Variants in SLIT3 observed in about 807,000 individuals in gnomAD.
The protein encoded by SLIT3 is slit guidance ligand 3, also known as slit homolog 3 protein.
A neutral mutation model predicts 184.0 loss-of-function variants in SLIT3; 68 were observed. The observed-to-expected ratio is 0.37, with a 90% CI of 0.30 to 0.45. The LOEUF is 0.45. Among genes scored for constraint, SLIT3 ranks in the 20% least tolerant of loss-of-function variants. The pLI is 1.00. For missense variants in SLIT3, 1,707 were observed against 2,026.0 expected (o/e 0.84, Z 3.02); for synonymous variants, 831 against 828.6 (o/e 1.00, Z -0.05).
chr5:168,762,194 C>T (rs6892234), intron 15 of SLIT3, among the ~76,000 whole-genome samples: 4,660 of 152,206 alleles, frequency 0.031, 258 homozygotes, highest in African/African-American at 0.11. Context: ...TACCATTCTT[C>T]ATTTAGCACC....
chr5:168,889,668 CTT>C (rs1760366298), intron 4 of SLIT3, among the ~76,000 whole-genome samples: 1 of 152,200 alleles, frequency 6.6e-6, no homozygotes, highest in Admixed American at 6.5e-5. Context: ...AGCTCAGATG[CTT>C]ATTTCCCTCA....
rs371776260 is a variant in SLIT3, at chr5:168,666,693, C to T, written c.4337-4G>A. On this transcript the variant is annotated splice_region_variant and splice_polypyrimidine_tract_variant and intron_variant, in intron 35 of 35. Transcript: ENST00000519560. Reference sequence around the variant, plus strand: ...ACTTGTCCCAGGCACGGATTCTCTGCAGAGGGCATAGAAGTCAGGGCATTG... The same window carrying T: ...ACTTGTCCCAGGCACGGATTCTCTGTAGAGGGCATAGAAGTCAGGGCATTG... 6.2e-7 allele frequency: 1 copy of T among 1,614,102 alleles called. No individual in the cohort carries two copies. Among genetic ancestry groups the T allele is most frequent in the African/African-American group, 1.3e-5 (1 of 75,042 alleles).
At chr5:169,265,503 T>A (rs1473881838) in intron 1 of SLIT3, among the ~76,000 whole-genome samples, 8 of 152,214 alleles carry the variant, frequency 5.3e-5, no homozygotes, top group Admixed American at 5.2e-4. Flanking sequence ...GTTACCTGCT[T>A]AATCTTTTTT....
chr5:169,155,060 C>A (rs1010936722), intron 4 of SLIT3, among the ~76,000 whole-genome samples: 2 of 152,200 alleles, frequency 1.3e-5, no homozygotes, highest in Admixed American at 6.5e-5. Context: ...GTTTGGCTTA[C>A]CAGCTTCACC....
intron 33 of SLIT3, among the ~76,000 whole-genome samples, chr5:168,672,428 G>T (rs1761283522): frequency 1.3e-5 from 2 of 152,138 alleles, no homozygotes; most frequent in Admixed American, 6.5e-5. Context: ...TCAGTGCAGG[G>T]GCTGCATTTC....
chr5:168,681,164 A>C (rs1373693333), intron 32 of SLIT3, among the ~76,000 whole-genome samples: 1 of 152,184 alleles, frequency 6.6e-6, no homozygotes, highest in Non-Finnish European at 1.5e-5. Context: ...AAACCCAAAA[A>C]ACAAAAAAAC....
At chr5:168,738,827 G>A (rs1763521793) in intron 20 of SLIT3, among the ~76,000 whole-genome samples, 1 of 151,718 alleles carries the variant, frequency 6.6e-6, no homozygotes, top group Admixed American at 6.6e-5. Context: ...AGTCCCAGCT[G>A]CTGGGGAGGT....
Position 169,121,241 on chromosome 5 carries a change from A to G in SLIT3, c.413+72238T>C, listed in dbSNP as rs571693396. Among the ~76,000 whole-genome samples, 4 of 152,308 alleles carry G rather than the reference A, an allele frequency of 2.6e-5. No individual in the cohort carries two copies. The East Asian group carries it at 7.7e-4, about 29-fold the overall frequency. ...ACCCCAAAGACATAGGATGAAATTT[A>G]GGAACTCCAATACCTTAAACCTTTC... On this transcript the variant is annotated intron_variant, in intron 4 of 35. Coordinates refer to ENST00000519560, the MANE Select transcript of SLIT3 (RefSeq NM_003062.4).
At position 168,891,618 on chromosome 5, in the gene SLIT3, T is replaced by A. The variant is rs1430271029; in HGVS notation, c.414-8282A>T. Reference sequence around the variant, plus strand: ...TGAGAAACAGTCCTGGAGCTGTGACTGAGGGTGAAGGCCTGAGGTCCAAGC... The same window carrying A: ...TGAGAAACAGTCCTGGAGCTGTGACAGAGGGTGAAGGCCTGAGGTCCAAGC... On this transcript the variant is annotated intron_variant, in intron 4 of 35. Transcript: ENST00000519560. 2.0e-5 allele frequency among the ~76,000 whole-genome samples: 3 copies of A among 152,130 alleles called. No homozygotes were observed. In the East Asian group the frequency reaches 5.8e-4, roughly 29 times the overall value.
intron 20 of SLIT3, among the ~76,000 whole-genome samples, chr5:168,731,260 C>T (rs567471114): frequency 6.6e-6 from 1 of 151,866 alleles, no homozygotes; most frequent in Non-Finnish European, 1.5e-5. Flanking sequence ...GAACAGTAGA[C>T]CCCTAATAAG....
chr5:168,798,319 G>A (rs999320375), intron 9 of SLIT3, among the ~76,000 whole-genome samples: 3 of 150,162 alleles, frequency 2.0e-5, no homozygotes, highest in African/African-American at 7.4e-5. Flanking sequence ...GAACGCCTGG[G>A]CTCAAGTGAT....
chr5:169,287,377 AT>A (rs567211956), intron 1 of SLIT3, among the ~76,000 whole-genome samples: 12 of 150,116 alleles, frequency 8.0e-5, no homozygotes, highest in East Asian at 5.9e-4. Flanking sequence ...ATGATTCCCT[AT>A]TTTTTTTTGT....
At chr5:168,760,138 G>A (rs148170000) in intron 16 of SLIT3, among the ~76,000 whole-genome samples, 1 of 152,332 alleles carries the variant, frequency 6.6e-6, no homozygotes, top group East Asian at 1.9e-4. Context: ...GGACTGTGAA[G>A]CCAGCACTGG....
At chr5:169,059,566 A>C (rs1290295142) in intron 4 of SLIT3, among the ~76,000 whole-genome samples, 1 of 152,106 alleles carries the variant, frequency 6.6e-6, no homozygotes, top group Admixed American at 6.5e-5. Flanking sequence ...GAAGCCTCAA[A>C]CGGGCCTCTT....
chr5:169,213,566 A>T (rs1395927292), intron 3 of SLIT3, among the ~76,000 whole-genome samples: 1 of 152,166 alleles, frequency 6.6e-6, no homozygotes, highest in African/African-American at 2.4e-5. Context: ...TCTCTCTTCA[A>T]ATATCCCTTC....
chr5:168,889,564 A>G (rs1414958615), intron 4 of SLIT3, among the ~76,000 whole-genome samples: 1 of 152,252 alleles, frequency 6.6e-6, no homozygotes, highest in Non-Finnish European at 1.5e-5. Flanking sequence ...AAGGATATCA[A>G]TAAAAGCTCC....
chr5:169,254,890 A>G (rs965574851), intron 1 of SLIT3, among the ~76,000 whole-genome samples: 1 of 152,240 alleles, frequency 6.6e-6, no homozygotes, highest in Non-Finnish European at 1.5e-5. Flanking sequence ...AGAATCGCCC[A>G]GCTGAATGAA....
intron 3 of SLIT3, among the ~76,000 whole-genome samples, chr5:169,213,768 C>T (rs773496027): frequency 2.0e-5 from 3 of 152,222 alleles, no homozygotes; most frequent in African/African-American, 4.8e-5. Flanking sequence ...TCTCTTCCTA[C>T]TATATCCCCA....
rs775493064 is a variant in SLIT3, at chr5:168,752,960, G to A, written c.1968C>T (p.Ser656=). ...GTGGACCCAGGAGAACTTACATGGT[G>A]GACAGGGAGACAAGCGTGGTGAAGG... ...PGAFTTLVSL[S]TINLLSNPFN... is the part of the protein sequence containing the mutation. Residue 656 remains serine (S), a synonymous_variant, in exon 18 of 36, where the codon TCC becomes TCT. Coordinates refer to ENST00000519560, the MANE Select transcript of SLIT3 (RefSeq NM_003062.4). 8.1e-6 allele frequency: 13 copies of A among 1,613,946 alleles called. No homozygotes were observed. The highest frequency in any genetic ancestry group is 1.6e-4 in the Middle Eastern group (1 of 6,084).
Sources: gnomAD v4.1 joint callset for allele counts (sites outside exome capture counted in the v4.1 genomes callset) on GRCh38, gnomAD v4.1.1 for gene constraint, MANE v1.5 for transcripts, NCBI Gene and HGNC (gene_info 2026-07-23, HGNC 2026-07-21) for gene names.